DAB1: variants seen among roughly 807,000 people sequenced by gnomAD.
The protein encoded by DAB1 is disabled homolog 1.
A neutral mutation model predicts 64.6 loss-of-function variants in DAB1; 15 were observed. That is an observed-to-expected ratio of 0.23 (90% CI 0.16 to 0.36). The LOEUF is 0.36. Ranked by LOEUF, DAB1 falls within the 10% of genes least tolerant of loss-of-function variation. The pLI, the probability that DAB1 is intolerant of heterozygous loss-of-function variation, is 1.00. For synonymous variants in DAB1, 235 were observed against 251.9 expected (o/e 0.93, Z 0.64); for missense variants, 596 against 706.7 (o/e 0.84, Z 1.78).
At chr1:58,146,449 G>T (rs1654598942) in intron 5 of DAB1, among the ~76,000 whole-genome samples, 1 of 152,104 alleles carries the variant, frequency 6.6e-6, no homozygotes, top group African/African-American at 2.4e-5. Context: ...CAGATTTCTA[G>T]AGTTATTCAT....
At chr1:58,030,972 T>C (rs1051253312) in intron 5 of DAB1, among the ~76,000 whole-genome samples, 1 of 152,210 alleles carries the variant, frequency 6.6e-6, no homozygotes, top group Non-Finnish European at 1.5e-5. Context: ...TTAAGGGAGT[T>C]CCTAAGCAGG....
intron 2 of DAB1, among the ~76,000 whole-genome samples, chr1:57,233,652 A>G (rs1209027895): frequency 1.3e-5 from 2 of 151,216 alleles, no homozygotes; most frequent in African/African-American, 2.4e-5. Context: ...CCAGCTACTC[A>G]GGAGGCTGAG....
At chr1:57,714,379 C>G (rs116146699) in intron 6 of DAB1, among the ~76,000 whole-genome samples, 118 of 152,226 alleles carry the variant, frequency 7.8e-4, no homozygotes, top group African/African-American at 2.6e-3. Context: ...TATGCTTTCT[C>G]TTGAACTAAA....
intron 5 of DAB1, among the ~76,000 whole-genome samples, chr1:58,096,791 T>C (rs1651010691): frequency 6.6e-6 from 1 of 152,250 alleles, no homozygotes; most frequent in Admixed American, 6.5e-5. Flanking sequence ...GGACCATACA[T>C]GGAGGGCTCT....
intron 6 of DAB1, among the ~76,000 whole-genome samples, chr1:57,800,680 T>A (rs1346290881): frequency 6.6e-6 from 1 of 152,202 alleles, no homozygotes; most frequent in Admixed American, 6.5e-5. Flanking sequence ...TCACATCGCA[T>A]GATTACTTGC....
At chr1:58,382,693 AAAAGAG>A (rs375564407) in intron 3 of DAB1, among the ~76,000 whole-genome samples, 131 of 152,362 alleles carry the variant, frequency 8.6e-4, no homozygotes, top group Middle Eastern at 3.4e-3. Context: ...AAAGCTTTTT[AAAAGAG>A]ACATGTAAAT....
chr1:57,285,633 C>T (rs1321545628), intron 2 of DAB1, among the ~76,000 whole-genome samples: 2 of 152,104 alleles, frequency 1.3e-5, no homozygotes, highest in African/African-American at 4.8e-5. Flanking sequence ...ACAAACCCCT[C>T]CCTTTAAAGA....
chr1:58,157,054 A>G (rs1034522048), intron 4 of DAB1, among the ~76,000 whole-genome samples: 3 of 152,166 alleles, frequency 2.0e-5, no homozygotes, highest in Non-Finnish European at 2.9e-5. Flanking sequence ...TTGCTTAGGA[A>G]GCTGTCACAC....
chr1:57,136,341 C>G (rs1658087241), intron 4 of DAB1, among the ~76,000 whole-genome samples: 1 of 152,206 alleles, frequency 6.6e-6, no homozygotes, highest in African/African-American at 2.4e-5. Flanking sequence ...CACCATTACA[C>G]TATAAGAAAC....
At chr1:57,417,413 A>AT (rs1684573828) in intron 1 of DAB1, among the ~76,000 whole-genome samples, 1 of 152,194 alleles carries the variant, frequency 6.6e-6, no homozygotes, top group Non-Finnish European at 1.5e-5. Flanking sequence ...AATCACACAC[A>AT]TATTATTTTC....
chr1:58,529,859 T>C (rs1482944884), intron 1 of DAB1, among the ~76,000 whole-genome samples: 1 of 152,150 alleles, frequency 6.6e-6, no homozygotes, highest in Non-Finnish European at 1.5e-5. Flanking sequence ...CATAGTTACA[T>C]GCAAACACCA....
intron 2 of DAB1, among the ~76,000 whole-genome samples, chr1:57,158,149 G>A (rs1660415137): frequency 6.6e-6 from 1 of 152,124 alleles, no homozygotes; most frequent in Non-Finnish European, 1.5e-5. Flanking sequence ...AATAATATAT[G>A]TTATGCTCTT....
At chr1:57,046,753 A>T (rs911537175) in intron 9 of DAB1, among the ~76,000 whole-genome samples, 3 of 152,236 alleles carry the variant, frequency 2.0e-5, no homozygotes, top group Non-Finnish European at 4.4e-5. Context: ...GATCTGATTT[A>T]TGTCTACCAA....
At chr1:58,203,947 C>G (rs144814196) in intron 4 of DAB1, among the ~76,000 whole-genome samples, 1 of 152,262 alleles carries the variant, frequency 6.6e-6, no homozygotes, top group Non-Finnish European at 1.5e-5. Context: ...GGTCAAAGAG[C>G]ATGCATACAG....
intron 2 of DAB1, among the ~76,000 whole-genome samples, chr1:57,146,140 C>T (rs1425750456): frequency 2.0e-5 from 3 of 152,324 alleles, no homozygotes; most frequent in East Asian, 1.9e-4. Context: ...ATAAAGTTAA[C>T]TCTGAACTGA....
At chr1:58,054,532 T>C (rs1277482011) in intron 5 of DAB1, among the ~76,000 whole-genome samples, 1 of 152,182 alleles carries the variant, frequency 6.6e-6, no homozygotes, top group Non-Finnish European at 1.5e-5. Context: ...CTAACTGCAA[T>C]GAACGAAGGG....
At chr1:58,195,475 GAA>G (rs1657627407) in intron 4 of DAB1, among the ~76,000 whole-genome samples, 1 of 152,142 alleles carries the variant, frequency 6.6e-6, no homozygotes, top group African/African-American at 2.4e-5. Context: ...ATGGGAAGAA[GAA>G]GAGATAGAGA....
chr1:57,954,684 C>A (rs754517344), intron 5 of DAB1, among the ~76,000 whole-genome samples: 4 of 152,204 alleles, frequency 2.6e-5, no homozygotes, highest in Non-Finnish European at 5.9e-5. Context: ...TTTCTATTGA[C>A]TAATACATCC....
chr1:57,239,776 C>T (rs900774290), intron 2 of DAB1, among the ~76,000 whole-genome samples: 1 of 152,160 alleles, frequency 6.6e-6, no homozygotes, highest in African/African-American at 2.4e-5. Flanking sequence ...CAAAACATTG[C>T]ACTTCCCAGA....
Sources: gnomAD v4.1 joint callset for allele counts (sites outside exome capture counted in the v4.1 genomes callset) on GRCh38, gnomAD v4.1.1 for gene constraint, MANE v1.5 for transcripts, NCBI Gene and HGNC (gene_info 2026-07-23, HGNC 2026-07-21) for gene names.